The following RAB8B variants were observed in gnomAD, a reference collection of about 807,000 sequenced individuals.
RAB8B encodes the protein ras-related protein Rab-8B.
In RAB8B, 11 loss-of-function variants were observed where a neutral mutation model predicts 32.0. The observed-to-expected ratio is 0.34, with a 90% CI of 0.22 to 0.57. The LOEUF (loss-of-function observed/expected upper bound fraction) is 0.57. Among genes scored for constraint, RAB8B ranks in the 20% least tolerant of loss-of-function variants. The probability of loss-of-function intolerance (pLI) is 0.86; values close to 1 mark genes in which losing one functional copy is unlikely to be tolerated. For missense variants in RAB8B, 190 were observed against 258.5 expected (o/e 0.73, Z 1.82); for synonymous variants, 103 against 89.6 (o/e 1.15, Z -0.85).
At chr15:63,246,422 A>G (rs1317701179) in intron 2 of RAB8B, among the ~76,000 whole-genome samples, 1 of 152,156 alleles carries the variant, frequency 6.6e-6, no homozygotes, top group Non-Finnish European at 1.5e-5. Context: ...CCTTTAATTT[A>G]CTAGAGCAGC....
chr15:63,263,876 C>T lies in RAB8B; in HGVS notation c.*257C>T, dbSNP rs1470679289. 1 of 375,650 alleles carries T rather than the reference C, an allele frequency of 2.7e-6. No homozygotes were observed. The highest frequency in any genetic ancestry group is 4.8e-6 in the Non-Finnish European group (1 of 207,644). The allele number at this position is 375,650 out of a possible 1,614,324, so 23.3% of individuals were successfully genotyped here. On this transcript the variant is annotated 3_prime_UTR_variant, in exon 8 of 8. Transcript: ENST00000321437. ...ACTCGTTTTTTCCTTGTTTTATTAC[C>T]TGTTGCAGAAGCGGTTATCTTTCTT...
chr15:63,239,884 G>T lies in RAB8B; in HGVS notation c.125-4872G>T, dbSNP rs527253813. Among the ~76,000 whole-genome samples the T allele has an allele frequency of 2.6e-5, 4 of 152,244 alleles. No individual in the cohort carries two copies. The South Asian group carries it at 8.3e-4, about 32-fold the overall frequency. Reference sequence around the variant, plus strand: ...TCTGAGAGCAATTGCAGGGCACTATGTTAATAAAACCCAATAACACAGGAT... The same window carrying T: ...TCTGAGAGCAATTGCAGGGCACTATTTTAATAAAACCCAATAACACAGGAT... On this transcript the variant is annotated intron_variant, in intron 1 of 7. Transcript: ENST00000321437.
At position 63,245,895 on chromosome 15, in the gene RAB8B, A is replaced by G. The variant is rs145888917; in HGVS notation, c.185+1079A>G. Among the ~76,000 whole-genome samples, 896 of 152,224 alleles carry G rather than the reference A, an allele frequency of 5.9e-3. 8 individuals are homozygous for G. The highest frequency in any genetic ancestry group is 0.019 in the African/African-American group (801 of 41,556). On this transcript the variant is annotated intron_variant, in intron 2 of 7. Transcript: ENST00000321437. ...TTTTAATAAATTTTTTTTTTGAGAC[A>G]GAGTTTCGCTCTTGTTGCCCAAGCT...
chr15:63,189,900 G>T (rs2037539764), intron 1 of RAB8B, 152 bp downstream of exon 1: 7 of 1,120,712 alleles, frequency 6.2e-6, no homozygotes, highest in Non-Finnish European at 8.6e-6. Flanking sequence ...AGGGCGTGAG[G>T]GAGAGGGGCG....
At chr15:63,234,931 C>G (rs2037965635) in intron 1 of RAB8B, among the ~76,000 whole-genome samples, 2 of 152,148 alleles carry the variant, frequency 1.3e-5, no homozygotes, top group African/African-American at 4.8e-5. Context: ...AGTCAAAACT[C>G]CTTTTCCTCG....
chr15:63,243,763 G>A (rs976027101), intron 1 of RAB8B, among the ~76,000 whole-genome samples: 1 of 151,916 alleles, frequency 6.6e-6, no homozygotes, highest in Non-Finnish European at 1.5e-5. Context: ...TCCATTTTCT[G>A]CTGCTATGAC....
rs1164576934 is a variant in RAB8B, at chr15:63,249,696, A to G, written c.237A>G (p.Arg79=). ...RFRTITTAYY[R]GAMGIMLVYD... is the part of the protein sequence containing the mutation. ...GAACAATCACGACAGCGTACTACAGAGGAGCCATGGTGAGTGTGTTGTAGG... is the reference window on the plus strand; with the variant it reads ...GAACAATCACGACAGCGTACTACAGGGGAGCCATGGTGAGTGTGTTGTAGG... Residue 79 remains arginine, a synonymous_variant, in exon 3 of 8, where the codon AGA becomes AGG. Coordinates refer to ENST00000321437, the MANE Select transcript of RAB8B (RefSeq NM_016530.3). The G allele has an allele frequency of 1.2e-6, 2 of 1,613,784 alleles. No individual in the cohort carries two copies. The highest frequency in any genetic ancestry group is 2.2e-5 in the South Asian group (2 of 90,990).
At chr15:63,207,719 C>A (rs2037710487) in intron 1 of RAB8B, among the ~76,000 whole-genome samples, 1 of 151,990 alleles carries the variant, frequency 6.6e-6, no homozygotes, top group Admixed American at 6.6e-5. Context: ...GCCACCACAC[C>A]CGGCAAATTT....
rs187835429 is a variant in RAB8B, at chr15:63,234,940, C to T, written c.125-9816C>T. Among the ~76,000 whole-genome samples the T allele has an allele frequency of 2.8e-3, 419 of 152,244 alleles. 9 individuals are homozygous for T. The highest frequency in any genetic ancestry group is 0.024 in the Admixed American group (373 of 15,294). ...GGTCCAAGTCAAAACTCCTTTTCCT[C>T]GAGGTGGAGAAGAAAAGTCCCCAAA... On this transcript the variant is annotated intron_variant, in intron 1 of 7. Coordinates refer to ENST00000321437, the MANE Select transcript of RAB8B (RefSeq NM_016530.3).
At chr15:63,257,519 G>A (rs572457017) in intron 5 of RAB8B, among the ~76,000 whole-genome samples, 7 of 151,978 alleles carry the variant, frequency 4.6e-5, no homozygotes, top group Admixed American at 3.3e-4. Flanking sequence ...CACCTGCCTC[G>A]GCCTCCCAAA....
At chr15:63,194,753 TGGGCCAA>T (rs1262567030) in intron 1 of RAB8B, among the ~76,000 whole-genome samples, 2 of 152,228 alleles carry the variant, frequency 1.3e-5, no homozygotes, top group Non-Finnish European at 2.9e-5. Flanking sequence ...CTATAGCCTA[TGGGCCAA>T]GTGTGACCTG....
At chr15:63,263,489 CTT>C (rs1567022710) in intron 7 of RAB8B, 36 bp from the exon 8 acceptor site, 8 of 1,516,754 alleles carry the variant, frequency 5.3e-6, no homozygotes, top group South Asian at 1.1e-5. Context: ...AACCATGAAA[CTT>C]TTATTTCCTT....
intron 1 of RAB8B, among the ~76,000 whole-genome samples, chr15:63,208,186 A>C (rs2037714922): frequency 6.6e-6 from 1 of 152,070 alleles, no homozygotes; most frequent in Non-Finnish European, 1.5e-5. Context: ...CTTCAGCTAT[A>C]TCTCTCTCTG....
At chr15:63,217,024 CTTAG>C (rs1190984454) in intron 1 of RAB8B, among the ~76,000 whole-genome samples, 3 of 152,112 alleles carry the variant, frequency 2.0e-5, no homozygotes, top group Non-Finnish European at 4.4e-5. Flanking sequence ...CTATGTTTCT[CTTAG>C]TTCCACTGAA....
intron 3 of RAB8B, among the ~76,000 whole-genome samples, chr15:63,250,721 C>G (rs1463903311): frequency 2.7e-5 from 4 of 150,940 alleles, no homozygotes; most frequent in Non-Finnish European, 5.9e-5. Flanking sequence ...GGCTTTATCG[C>G]TGGTGTTTAG....
chr15:63,225,519 G>C (rs1398123346), intron 1 of RAB8B, among the ~76,000 whole-genome samples: 2 of 152,142 alleles, frequency 1.3e-5, no homozygotes. Flanking sequence ...ATATATACTT[G>C]CTTCTGGAAA....
chr15:63,244,355 TG>T (rs1347350054), intron 1 of RAB8B, among the ~76,000 whole-genome samples: 2 of 152,136 alleles, frequency 1.3e-5, no homozygotes, highest in East Asian at 3.8e-4. Context: ...TGGAAGGAGA[TG>T]GAGGAATATT....
intron 1 of RAB8B, among the ~76,000 whole-genome samples, chr15:63,192,355 C>G (rs919613914): frequency 3.3e-5 from 5 of 152,252 alleles, no homozygotes; most frequent in Non-Finnish European, 5.9e-5. Context: ...GTTGACATCT[C>G]TAGCAGCCAC....
chr15:63,263,846 A>G lies in RAB8B; in HGVS notation c.*227A>G. 6.9e-6 allele frequency: 3 copies of G among 437,580 alleles called. No individual in the cohort carries two copies. Among genetic ancestry groups the G allele is most frequent in the Non-Finnish European group, 1.2e-5 (3 of 245,226 alleles). The allele number at this position is 437,580 out of a possible 1,614,324, so 27.1% of individuals were successfully genotyped here. A position where few individuals can be genotyped will look rare whatever the true frequency, so the allele number is the denominator to read the frequency against. On this transcript the variant is annotated 3_prime_UTR_variant, in exon 8 of 8. Coordinates refer to ENST00000321437, the MANE Select transcript of RAB8B (RefSeq NM_016530.3). ...GCAATGAAGTGGAGACACATGCAGG[A>G]CCTAACTCGTTTTTTCCTTGTTTTA...
Sources: allele counts gnomAD v4.1 joint callset (sites outside exome capture counted in the v4.1 genomes callset), GRCh38; gene constraint gnomAD v4.1.1; transcripts MANE v1.5; gene names NCBI Gene and HGNC (gene_info 2026-07-23, HGNC 2026-07-21).